The following STX5 variants were observed in gnomAD, a reference collection of about 807,000 sequenced individuals.
STX5 encodes syntaxin-5.
Under a neutral mutation model 42.9 loss-of-function variants are expected in STX5, and 15 were observed. The ratio of observed to expected loss-of-function variants is 0.35; its 90% CI spans 0.23 to 0.54. The LOEUF (loss-of-function observed/expected upper bound fraction) is 0.54. Ranked by LOEUF, STX5 falls within the 20% of genes least tolerant of loss-of-function variation. The pLI is 0.91. For synonymous variants in STX5, 184 were observed against 173.2 expected (o/e 1.06, Z -0.49); for missense variants, 430 against 455.0 (o/e 0.95, Z 0.50).
chr11:62,821,281 C>T (rs914750842), intron 10 of STX5, among the ~76,000 whole-genome samples: 2 of 151,936 alleles, frequency 1.3e-5, no homozygotes, highest in African/African-American at 4.8e-5. Flanking sequence ...GTACTCTAGC[C>T]TGGCAACAGA....
At chr11:62,822,807 C>T (rs537479309) in intron 10 of STX5, among the ~76,000 whole-genome samples, 71 of 151,234 alleles carry the variant, frequency 4.7e-4, no homozygotes, top group Non-Finnish European at 9.4e-4. Flanking sequence ...TTGTCCACTG[C>T]TATATTCCCA....
intron 10 of STX5, among the ~76,000 whole-genome samples, chr11:62,820,899 A>G (rs1280873626): frequency 2.6e-5 from 4 of 152,032 alleles, no homozygotes; most frequent in African/African-American, 9.7e-5. Context: ...TTTCCATTTC[A>G]ATTTGGTTGC....
intron 4 of STX5, 40 bp downstream of exon 4, chr11:62,827,302 GA>G: frequency 6.2e-7 from 1 of 1,614,066 alleles, no homozygotes; most frequent in Non-Finnish European, 8.5e-7. Context: ...AACCCTCTTT[GA>G]TTTACTGCCC....
intron 1 of STX5, 82 bp downstream of exon 1, chr11:62,831,871 TC>T: frequency 2.2e-6 from 1 of 454,406 alleles, no homozygotes; most frequent in South Asian, 1.6e-5. Flanking sequence ...CTGATTCCCT[TC>T]CCCCCGCCAG....
At chr11:62,830,799 C>T (rs2084848007) in intron 2 of STX5, among the ~76,000 whole-genome samples, 1 of 152,162 alleles carries the variant, frequency 6.6e-6, no homozygotes. Context: ...AGCAATCCTG[C>T]CCTCCAAAGG....
At chr11:62,809,673 CAAAAAAAAAAAAAAAAA>C (rs749188946) in intron 10 of STX5, among the ~76,000 whole-genome samples, 4 of 19,178 alleles carry the variant, frequency 2.1e-4, no homozygotes, top group African/African-American at 2.8e-4. Flanking sequence ...GACTCTGTCT[CAAAAAAAAAAAAAAAAA>C]AAAAAAAAAA....
intron 10 of STX5, 61 bp from the exon 11 acceptor site, chr11:62,807,689 G>A: frequency 6.3e-7 from 1 of 1,595,700 alleles, no homozygotes; most frequent in Non-Finnish European, 8.6e-7. Context: ...GAATGCTGTT[G>A]AAGTCCATTT....
At chr11:62,822,980 A>C (rs2084755864) in intron 10 of STX5, among the ~76,000 whole-genome samples, 1 of 152,022 alleles carries the variant, frequency 6.6e-6, no homozygotes, top group South Asian at 2.1e-4. Context: ...ATTACTTTCT[A>C]GCCACGCAGG....
intron 10 of STX5, among the ~76,000 whole-genome samples, chr11:62,813,573 G>A (rs192067417): frequency 2.0e-5 from 3 of 152,180 alleles, no homozygotes; most frequent in Non-Finnish European, 1.5e-5. Context: ...TTCAGAAACC[G>A]GCTTTATACA....
At chr11:62,831,365 T>G in intron 1 of STX5, 103 bp from the exon 2 acceptor site, 1 of 885,200 alleles carries the variant, frequency 1.1e-6, no homozygotes, top group South Asian at 1.4e-5. Flanking sequence ...GCACTTCTCG[T>G]GGACTTTCGC....
chr11:62,814,153 G>A (rs948685122), intron 10 of STX5, among the ~76,000 whole-genome samples: 4 of 152,064 alleles, frequency 2.6e-5, no homozygotes, highest in Admixed American at 2.6e-4. Context: ...GCGATGCTCA[G>A]AAAAGAGGAA....
At chr11:62,817,870 C>CAT (rs1459332668) in intron 10 of STX5, among the ~76,000 whole-genome samples, 1 of 151,956 alleles carries the variant, frequency 6.6e-6, no homozygotes, top group African/African-American at 2.4e-5. Context: ...TACCTGGAAA[C>CAT]ATATATATGT....
chr11:62,820,665 C>T (rs1024609220), intron 10 of STX5, among the ~76,000 whole-genome samples: 6 of 151,598 alleles, frequency 4.0e-5, no homozygotes, highest in Non-Finnish European at 4.4e-5. Flanking sequence ...CCCACTACCA[C>T]GCCCGGCTAA....
chr11:62,827,552 T>A lies in STX5; in HGVS notation c.296+9A>T. 1 of 1,614,226 alleles carries A rather than the reference T, an allele frequency of 6.2e-7. No individual in the cohort carries two copies. On this transcript the variant is annotated intron_variant, in intron 3 of 10. Coordinates refer to ENST00000294179, the MANE Select transcript of STX5 (RefSeq NM_003164.5). The stretch of plus-strand genomic sequence containing the variant: ...GTATCACCCCACCAGAAAGCTTCTC[T>A]CAACTCACTTGGCCATGAGGGTGAA...
At position 62,820,648 on chromosome 11, in the gene STX5, G is replaced by A. The variant is rs550531894; in HGVS notation, c.908+3518C>T. The stretch of plus-strand genomic sequence containing the variant: ...CTGCCTCAGCCTCCCAAGCAGCTGC[G>A]CAGGTACCCACTACCACGCCCGGCT... On this transcript the variant is annotated intron_variant, in intron 10 of 10. Coordinates refer to ENST00000294179, the MANE Select transcript of STX5 (RefSeq NM_003164.5). Among the ~76,000 whole-genome samples the A allele has an allele frequency of 3.3e-5, 5 of 151,082 alleles. No individual in the cohort carries two copies. In the South Asian group the frequency reaches 8.4e-4, roughly 25 times the overall value.
intron 10 of STX5, among the ~76,000 whole-genome samples, chr11:62,811,610 C>A (rs1467577273): frequency 6.6e-6 from 1 of 152,010 alleles, no homozygotes; most frequent in African/African-American, 2.4e-5. Context: ...TCTGGGAAGG[C>A]CCCTTGGCCC....
At chr11:62,815,541 T>A (rs1009772281) in intron 10 of STX5, among the ~76,000 whole-genome samples, 6 of 151,404 alleles carry the variant, frequency 4.0e-5, no homozygotes, top group Non-Finnish European at 5.9e-5. Context: ...GTGGTTTTTT[T>A]TTTTTTATTT....
At chr11:62,813,007 G>A (rs568155658) in intron 10 of STX5, among the ~76,000 whole-genome samples, 1 of 151,376 alleles carries the variant, frequency 6.6e-6, no homozygotes, top group South Asian at 2.1e-4. Flanking sequence ...AGCTACTTGG[G>A]AGGCTGAGGC....
At chr11:62,818,059 C>A (rs548227313) in intron 10 of STX5, among the ~76,000 whole-genome samples, 13 of 152,126 alleles carry the variant, frequency 8.5e-5, no homozygotes, top group Middle Eastern at 3.4e-3. Context: ...GACTGCCCAA[C>A]ATGGCAAAAC....
Sources: gnomAD v4.1 joint callset for allele counts (sites outside exome capture counted in the v4.1 genomes callset) on GRCh38, gnomAD v4.1.1 for gene constraint, MANE v1.5 for transcripts, NCBI Gene and HGNC (gene_info 2026-07-23, HGNC 2026-07-21) for gene names.